Variants in NDST4 observed in about 807,000 individuals in gnomAD.
NDST4 encodes the protein N-heparan sulfate sulfotransferase 4.
A neutral mutation model predicts 100.8 loss-of-function variants in NDST4; 63 were observed. The observed-to-expected ratio is 0.62, with a 90% CI of 0.51 to 0.77. NDST4 has a LOEUF of 0.77. Ranked by LOEUF, NDST4 falls within the 30% of genes least tolerant of loss-of-function variation. The pLI, the probability that NDST4 is intolerant of heterozygous loss-of-function variation, is 0.00. For missense variants in NDST4, 943 were observed against 1,018.4 expected (o/e 0.93, Z 1.01); for synonymous variants, 377 against 361.8 (o/e 1.04, Z -0.48).
At chr4:114,838,839 AT>A (rs1443823993) in intron 11 of NDST4, among the ~76,000 whole-genome samples, 1 of 148,556 alleles carries the variant, frequency 6.7e-6, no homozygotes, top group Non-Finnish European at 1.5e-5. Flanking sequence ...ACAAAAAAAA[AT>A]ATATGGATGC....
chr4:115,082,956 T>C (rs1169203757), intron 1 of NDST4, among the ~76,000 whole-genome samples: 1 of 152,202 alleles, frequency 6.6e-6, no homozygotes, highest in African/African-American at 2.4e-5. Context: ...ATTAAATTGA[T>C]TTGAAAGAGC....
intron 4 of NDST4, among the ~76,000 whole-genome samples, chr4:114,956,780 T>C (rs1436999233): frequency 6.6e-6 from 1 of 152,166 alleles, no homozygotes; most frequent in Non-Finnish European, 1.5e-5. Flanking sequence ...TATCCAGCCA[T>C]TCCATTTAAA....
At chr4:115,050,840 A>T (rs900887395) in intron 2 of NDST4, among the ~76,000 whole-genome samples, 3 of 152,098 alleles carry the variant, frequency 2.0e-5, no homozygotes, top group African/African-American at 7.2e-5. Context: ...TGACTATAGA[A>T]ATAAGTAATT....
At chr4:115,099,797 C>A (rs1000081984) in intron 1 of NDST4, among the ~76,000 whole-genome samples, 5 of 152,260 alleles carry the variant, frequency 3.3e-5, no homozygotes, top group Admixed American at 2.6e-4. Flanking sequence ...ATCCAGCAAT[C>A]ATGATCCTTG....
At chr4:114,845,566 A>G (rs1430169390) in intron 10 of NDST4, among the ~76,000 whole-genome samples, 1 of 152,202 alleles carries the variant, frequency 6.6e-6, no homozygotes, top group Non-Finnish European at 1.5e-5. Context: ...CTACATGTTT[A>G]TATAGCTTAG....
chr4:114,898,140 A>G (rs1410836731), intron 6 of NDST4, among the ~76,000 whole-genome samples: 1 of 152,172 alleles, frequency 6.6e-6, no homozygotes, highest in Admixed American at 6.5e-5. Flanking sequence ...ACCCAAGGTC[A>G]TCTACGTTTT....
Position 114,833,715 on chromosome 4 carries a change from A to G in NDST4, c.2287T>C (p.Leu763=). ...RWLTYFATSQ[L]LIIDGQQLRS... is the part of the protein sequence containing the mutation. ...AGCTGCTGTCCATCAATAATTAGCA[A>G]CTGTAAAGTCAGAAATAGTCACTTT... Residue 763 remains leucine, a splice_region_variant and synonymous_variant, in exon 12 of 14, where the codon TTG becomes CTG. Coordinates refer to ENST00000264363, the MANE Select transcript of NDST4 (RefSeq NM_022569.3). 6.2e-7 allele frequency: 1 copy of G among 1,601,282 alleles called. No homozygotes were observed. The highest frequency in any genetic ancestry group is 8.5e-7 in the Non-Finnish European group (1 of 1,171,528).
chr4:114,983,331 G>A (rs565723796), intron 2 of NDST4, among the ~76,000 whole-genome samples: 57 of 152,202 alleles, frequency 3.7e-4, no homozygotes, highest in Non-Finnish European at 7.8e-4. Context: ...CATGGGGGCT[G>A]TACCCTTCAA....
chr4:115,075,624 A>C (rs1051954890), intron 2 of NDST4, among the ~76,000 whole-genome samples: 1 of 152,010 alleles, frequency 6.6e-6, no homozygotes, highest in Admixed American at 6.6e-5. Context: ...ATCTCTACTT[A>C]AAATACAAAA....
At chr4:115,103,412 C>T (rs1406724401) in intron 1 of NDST4, among the ~76,000 whole-genome samples, 2 of 152,110 alleles carry the variant, frequency 1.3e-5, no homozygotes, top group African/African-American at 4.8e-5. Flanking sequence ...ATTGCCACTG[C>T]TCTATATTGG....
chr4:114,950,629 C>G (rs990224128), intron 4 of NDST4, among the ~76,000 whole-genome samples: 2 of 152,078 alleles, frequency 1.3e-5, no homozygotes, highest in Admixed American at 6.6e-5. Context: ...AATCCATAGA[C>G]AGGTTGTTGC....
In NDST4 at chr4:114,845,804, AT is replaced by A; in HGVS notation, c.2115+18del. On this transcript the variant is annotated intron_variant, in intron 10 of 13. Coordinates refer to ENST00000264363, the MANE Select transcript of NDST4 (RefSeq NM_022569.3). ...AGCTATAACAAAATGCTTTTAGCCG[AT>A]TTTTTTACTGACCATACCTGGTACC... The A allele has an allele frequency of 1.3e-6, 2 of 1,584,378 alleles. 1 individual carries two copies. The highest frequency in any genetic ancestry group is 2.3e-5 in the South Asian group (2 of 88,084).
rs74834690 is a variant in NDST4, at chr4:114,945,790, T to C, written c.1222-8287A>G. Among the ~76,000 whole-genome samples the C allele has an allele frequency of 5.8e-3, 880 of 152,304 alleles. 12 individuals carry two copies. The highest frequency in any genetic ancestry group is 0.02 in the African/African-American group (843 of 41,564). ...AACTTTGAAAATGATCCTAGAATCA[T>C]TGATTTTCCACTGTGTTTAGGGGAC... is the stretch of plus-strand genomic sequence containing the variant. On this transcript the variant is annotated intron_variant, in intron 4 of 13. Transcript: ENST00000264363.
chr4:114,918,541 A>AT (rs1725222273), intron 6 of NDST4, among the ~76,000 whole-genome samples: 3 of 101,816 alleles, frequency 2.9e-5, no homozygotes, highest in Admixed American at 1.0e-4. Context: ...TTAAACTATA[A>AT]TAAAAAAATA....
rs189435675 is a variant in NDST4, at chr4:115,054,248, G to C, written c.978+21811C>G. Among the ~76,000 whole-genome samples the C allele has an allele frequency of 4.6e-4, 70 of 152,090 alleles. 2 individuals carry two copies. Among genetic ancestry groups the C allele is most frequent in the Admixed American group, 4.2e-3 (64 of 15,264 alleles). ...AACTAGACAAAGAAACAGAACTCCTGTATCTATCATGAGGCAAGCAATCAC... is the reference window on the plus strand; with the variant it reads ...AACTAGACAAAGAAACAGAACTCCTCTATCTATCATGAGGCAAGCAATCAC... On this transcript the variant is annotated intron_variant, in intron 2 of 13. Transcript: ENST00000264363.
intron 4 of NDST4, among the ~76,000 whole-genome samples, chr4:114,949,802 C>T (rs1018672198): frequency 6.6e-6 from 1 of 151,980 alleles, no homozygotes; most frequent in African/African-American, 2.4e-5. Context: ...CAGTTTGGCT[C>T]CACAAGCAAA....
At chr4:114,833,365 C>T (rs1723241373) in intron 12 of NDST4, among the ~76,000 whole-genome samples, 1 of 152,022 alleles carries the variant, frequency 6.6e-6, no homozygotes, top group South Asian at 2.1e-4. Context: ...AAACTGATAA[C>T]AGGGAAAACT....
chr4:114,876,583 T>C (rs1724258902), intron 6 of NDST4, among the ~76,000 whole-genome samples: 1 of 152,158 alleles, frequency 6.6e-6, no homozygotes, highest in African/African-American at 2.4e-5. Context: ...CAACCCAGTC[T>C]TAGGCAACTC....
At chr4:115,105,126 C>T (rs554766723) in intron 1 of NDST4, among the ~76,000 whole-genome samples, 37 of 152,228 alleles carry the variant, frequency 2.4e-4, no homozygotes, top group African/African-American at 8.9e-4. Flanking sequence ...TTAACACCTG[C>T]CTTCCAATAT....
Sources: gnomAD v4.1 joint callset for allele counts (sites outside exome capture counted in the v4.1 genomes callset) on GRCh38, gnomAD v4.1.1 for gene constraint, MANE v1.5 for transcripts, NCBI Gene and HGNC (gene_info 2026-07-23, HGNC 2026-07-21) for gene names.